CEP97: variants seen among roughly 807,000 people sequenced by gnomAD.
The protein encoded by CEP97 is centrosomal protein of 97 kDa.
In CEP97, 43 loss-of-function variants were observed where a neutral mutation model predicts 73.1. That is an observed-to-expected ratio of 0.59 (90% CI 0.46 to 0.76). CEP97 has a LOEUF of 0.76. Among genes scored for constraint, CEP97 ranks in the 30% least tolerant of loss-of-function variants. The pLI, the probability that CEP97 is intolerant of heterozygous loss-of-function variation, is 0.00. For synonymous variants in CEP97, 337 were observed against 370.0 expected, an observed-to-expected ratio of 0.91 and a Z score of 1.02; for missense variants, 939 against 1,014.0, an observed-to-expected ratio of 0.93 and a Z score of 1.00.
intron 9 of CEP97, among the ~76,000 whole-genome samples, chr3:101,760,221 G>A (rs1939133288): frequency 6.6e-6 from 1 of 151,964 alleles, no homozygotes; most frequent in African/African-American, 2.4e-5. Flanking sequence ...TATAAGATGT[G>A]GTCAACACCT....
chr3:101,729,923 G>T (rs924026029), intron 4 of CEP97, among the ~76,000 whole-genome samples: 21 of 152,106 alleles, frequency 1.4e-4, no homozygotes, highest in Non-Finnish European at 2.2e-4. Flanking sequence ...TTCTGCCTCA[G>T]CGTCCCGCGT....
rs1308276479 is a variant in CEP97, at chr3:101,766,276, G to A, written c.*725G>A. 1 of 152,336 alleles carries A rather than the reference G, an allele frequency of 6.6e-6. No homozygotes were observed. The highest frequency in any genetic ancestry group is 1.5e-5 in the Non-Finnish European group (1 of 68,026). 9.4% of individuals were successfully genotyped at this position (152,336 alleles called of 1,614,324 possible). A position where few individuals can be genotyped will look rare whatever the true frequency, so the allele number is the denominator to read the frequency against. ...CAAGAATATTTCACTTAGATATGAA[G>A]AAAGGAAACACTAGTCTCCATTCAC... On this transcript the variant is annotated 3_prime_UTR_variant, in exon 11 of 11. Coordinates refer to ENST00000341893, the MANE Select transcript of CEP97 (RefSeq NM_024548.4).
At position 101,765,819 on chromosome 3, in the gene CEP97, A is replaced by G. The variant is rs955007073; in HGVS notation, c.*268A>G. On this transcript the variant is annotated 3_prime_UTR_variant, in exon 11 of 11. Coordinates refer to ENST00000341893, the MANE Select transcript of CEP97 (RefSeq NM_024548.4). ...ATTTCTTAACTGAATTGCATCAACA[A>G]TGTTCCTGTTTCTTTCATGTACTCA... 3.5e-6 allele frequency: 1 copy of G among 288,062 alleles called. No individual in the cohort carries two copies. The highest frequency in any genetic ancestry group is 6.5e-5 in the East Asian group (1 of 15,346). 17.8% of individuals were successfully genotyped at this position (288,062 alleles called of 1,614,324 possible).
chr3:101,728,821 CT>C lies in CEP97; in HGVS notation c.346-11del. On this transcript the variant is annotated splice_polypyrimidine_tract_variant and intron_variant, in intron 3 of 10. Transcript: ENST00000341893. ...TTTGTTTTCATTAAATAGTGTGATG[CT>C]TTTCTTGTGATAGGCCATGGAACAG... 6.6e-7 allele frequency: 1 copy of C among 1,520,710 alleles called. No homozygotes were observed. Among genetic ancestry groups the C allele is most frequent in the Non-Finnish European group, 9.1e-7 (1 of 1,097,452 alleles). The allele number at this position is 1,520,710 out of a possible 1,614,324, so 94.2% of individuals were successfully genotyped here.
At chr3:101,750,351 T>C (rs1938767696) in intron 6 of CEP97, among the ~76,000 whole-genome samples, 1 of 151,406 alleles carries the variant, frequency 6.6e-6, no homozygotes, top group South Asian at 2.1e-4. Flanking sequence ...TCCATTGATC[T>C]ATATCTCTGT....
rs985544245 is a variant in CEP97 at position 101,757,251 on chromosome 3, G to A, written c.1027+55G>A. 20 of 1,551,350 alleles carry A rather than the reference G, an allele frequency of 1.3e-5. No individual in the cohort carries two copies. The African/African-American group carries it at 2.4e-4, about 18-fold the overall frequency. On this transcript the variant is annotated intron_variant, in intron 8 of 10. Coordinates refer to ENST00000341893, the MANE Select transcript of CEP97 (RefSeq NM_024548.4). ...TTCTCCAAGTTGTTTAATTTGTCGG[G>A]TATCATAAAGCAGAAAAAGGTGCAT...
At chr3:101,730,471 G>A (rs780184129) in intron 4 of CEP97, among the ~76,000 whole-genome samples, 2 of 151,400 alleles carry the variant, frequency 1.3e-5, no homozygotes, top group African/African-American at 2.4e-5. Context: ...TCATCATGTT[G>A]GCCAGGCTGG....
intron 6 of CEP97, among the ~76,000 whole-genome samples, chr3:101,746,750 A>G (rs1175003259): frequency 6.6e-6 from 1 of 152,170 alleles, no homozygotes; most frequent in African/African-American, 2.4e-5. Context: ...CAACCTACAA[A>G]ATGGGAGAAA....
chr3:101,755,746 C>G, intron 7 of CEP97, 152 bp downstream of exon 7: 1 of 729,432 alleles, frequency 1.4e-6, no homozygotes. Flanking sequence ...TGCAGGGAAG[C>G]TGAATCGTGC....
intron 8 of CEP97, 93 bp downstream of exon 8, chr3:101,757,289 T>C: frequency 4.3e-6 from 6 of 1,409,220 alleles, no homozygotes; most frequent in Non-Finnish European, 5.7e-6. Context: ...TTTCATAATT[T>C]TTTGTTAGTT....
intron 6 of CEP97, among the ~76,000 whole-genome samples, chr3:101,735,026 G>A (rs115924205): frequency 0.014 from 2,156 of 152,296 alleles, 20 homozygotes; most frequent in Non-Finnish European, 0.024. Flanking sequence ...GTACTACCTT[G>A]CTTTCATGGA....
chr3:101,752,477 T>C (rs2107174881), intron 6 of CEP97, among the ~76,000 whole-genome samples: 1 of 152,368 alleles, frequency 6.6e-6, no homozygotes, highest in African/African-American at 2.4e-5. Context: ...CTGGATAATA[T>C]CTTGCAGAGT....
At chr3:101,740,374 A>G (rs186691069) in intron 6 of CEP97, among the ~76,000 whole-genome samples, 7 of 152,344 alleles carry the variant, frequency 4.6e-5, no homozygotes, top group African/African-American at 1.7e-4. Flanking sequence ...CAATTGCTGC[A>G]AAGAGACTAA....
chr3:101,731,847 T>C lies in CEP97; in HGVS notation c.455T>C (p.Leu152Pro). The C allele has an allele frequency of 6.3e-7, 1 of 1,586,238 alleles. No individual in the cohort carries two copies. The highest frequency in any genetic ancestry group is 8.6e-7 in the Non-Finnish European group (1 of 1,156,516). The stretch of plus-strand genomic sequence containing the variant: ...ACTGTTTTTACTTTCAAGACCCTGC[T>C]TTTACATGGAAACATCATCACCTCT... ...LSKLVSLKTL[L>P]LHGNIITSLR... Residue 152 changes from leucine to proline, a missense_variant, in exon 5 of 11, where the codon CTT becomes CCT. Coordinates refer to ENST00000341893, the MANE Select transcript of CEP97 (RefSeq NM_024548.4).
chr3:101,740,564 G>A (rs1480689307), intron 6 of CEP97, among the ~76,000 whole-genome samples: 2 of 152,006 alleles, frequency 1.3e-5, no homozygotes, highest in Non-Finnish European at 1.5e-5. Flanking sequence ...TAGATTCAGT[G>A]CTATCCTCAT....
chr3:101,750,929 G>T (rs1280437516), intron 6 of CEP97, among the ~76,000 whole-genome samples: 3 of 152,016 alleles, frequency 2.0e-5, no homozygotes, highest in East Asian at 1.9e-4. Context: ...CTGCTCTGAT[G>T]TTAGTTATTT....
At chr3:101,762,257 A>G (rs1296479133) in intron 9 of CEP97, among the ~76,000 whole-genome samples, 1 of 152,166 alleles carries the variant, frequency 6.6e-6, no homozygotes. Context: ...ACTTTGAGTC[A>G]CAGTTCAAAA....
At position 101,757,206 on chromosome 3, in the gene CEP97, G is replaced by A. The variant is rs2107183763; in HGVS notation, c.1027+10G>A. 6.3e-7 allele frequency: 1 copy of A among 1,597,766 alleles called. No individual in the cohort carries two copies. The highest frequency in any genetic ancestry group is 8.5e-7 in the Non-Finnish European group (1 of 1,175,074). ...ATATCCCAGGAAAGTGGTAAGAAAT[G>A]AATTTATCTCTGATCCCTTTTCTCC... On this transcript the variant is annotated intron_variant, in intron 8 of 10. Coordinates refer to ENST00000341893, the MANE Select transcript of CEP97 (RefSeq NM_024548.4).
chr3:101,748,804 C>G (rs1389003262), intron 6 of CEP97, among the ~76,000 whole-genome samples: 2 of 152,014 alleles, frequency 1.3e-5, no homozygotes, highest in East Asian at 3.9e-4. Flanking sequence ...CCACGCCTGG[C>G]TAATTTTTTG....
Sources: allele counts gnomAD v4.1 joint callset (sites outside exome capture counted in the v4.1 genomes callset), GRCh38; gene constraint gnomAD v4.1.1; transcripts MANE v1.5; gene names NCBI Gene and HGNC (gene_info 2026-07-23, HGNC 2026-07-21).